Variants in TENM3 observed in about 807,000 individuals in gnomAD.
The protein encoded by TENM3 is teneurin transmembrane protein 3, also known as teneurin-3.
A neutral mutation model predicts 255.1 loss-of-function variants in TENM3; 63 were observed. The observed-to-expected ratio is 0.25, with a 90% CI of 0.20 to 0.30. The LOEUF is 0.30. Among genes scored for constraint, TENM3 ranks in the 10% least tolerant of loss-of-function variants. The pLI is 1.00. For missense variants in TENM3, 2,929 were observed against 3,461.1 expected (o/e 0.85, Z 3.86); for synonymous variants, 1,306 against 1,322.3 (o/e 0.99, Z 0.27).
At chr4:181,885,288 G>C in the TENM3 span, among the ~76,000 whole-genome samples, 1 of 152,134 alleles carries the variant, frequency 6.6e-6, no homozygotes, top group Admixed American at 6.5e-5. Flanking sequence ...TTTTGAGACG[G>C]AGTCTAGCTC....
chr4:182,250,272 T>G (rs1038053276), intron 1 of TENM3, among the ~76,000 whole-genome samples: 5 of 137,394 alleles, frequency 3.6e-5, no homozygotes, highest in Admixed American at 1.4e-4. Flanking sequence ...CAGGATGGTC[T>G]CGATCTCCTG....
the TENM3 span, among the ~76,000 whole-genome samples, chr4:181,732,163 G>A: frequency 3.6e-4 from 55 of 152,322 alleles, no homozygotes; most frequent in South Asian, 2.9e-3. Flanking sequence ...CCCAACAGCA[G>A]TCATGGGTGA....
At chr4:182,773,400 C>T (rs761914074) in intron 22 of TENM3, 72 bp from the exon 23 acceptor site, 1 of 1,363,554 alleles carries the variant, frequency 7.3e-7, no homozygotes, top group African/African-American at 1.5e-5. Flanking sequence ...AATATTGCTA[C>T]ACATTATATT....
the TENM3 span, among the ~76,000 whole-genome samples, chr4:181,784,175 C>T: frequency 5.4e-5 from 8 of 149,226 alleles, no homozygotes; most frequent in South Asian, 4.2e-4. Context: ...TTTTTTTAAC[C>T]GCTAAGTGAA....
chr4:182,135,204 CAAAAAAAAAAAAAA>C, the TENM3 span, among the ~76,000 whole-genome samples: 6 of 81,566 alleles, frequency 7.4e-5, no homozygotes, highest in African/African-American at 1.6e-4. Context: ...GACTCGGTCT[CAAAAAAAAAAAAAA>C]AAAAAAAAAA....
intron 3 of TENM3, among the ~76,000 whole-genome samples, chr4:182,523,143 T>A (rs1738759082): frequency 6.6e-6 from 1 of 152,124 alleles, no homozygotes; most frequent in African/African-American, 2.4e-5. Flanking sequence ...TTGAATAATT[T>A]GGCGGGTTTT....
the TENM3 span, among the ~76,000 whole-genome samples, chr4:181,898,489 C>A: frequency 6.6e-6 from 1 of 152,124 alleles, no homozygotes; most frequent in Non-Finnish European, 1.5e-5. Flanking sequence ...TGGTCTAAGA[C>A]CCATCAACTT....
intron 12 of TENM3, among the ~76,000 whole-genome samples, chr4:182,709,169 G>C (rs545060190): frequency 1.3e-5 from 2 of 152,134 alleles, no homozygotes; most frequent in East Asian, 1.9e-4. Context: ...TTTTGGTAGA[G>C]TCGGGGTTTC....
At chr4:182,167,758 C>T (rs1751817218) in intron 1 of TENM3, among the ~76,000 whole-genome samples, 1 of 151,960 alleles carries the variant, frequency 6.6e-6, no homozygotes, top group Non-Finnish European at 1.5e-5. Context: ...TGCCTGTAGT[C>T]CCAGCTACTT....
the TENM3 span, among the ~76,000 whole-genome samples, chr4:182,047,935 A>C: frequency 6.6e-6 from 1 of 152,112 alleles, no homozygotes; most frequent in Non-Finnish European, 1.5e-5. Flanking sequence ...ATACCAAATG[A>C]GCTCAGTGAT....
chr4:182,786,566 A>G, intron 24 of TENM3, among the ~76,000 whole-genome samples: 1 of 151,742 alleles, frequency 6.6e-6, no homozygotes, highest in African/African-American at 2.4e-5. Context: ...TAAAAAAAAA[A>G]AAAAAAAAGA....
the TENM3 span, among the ~76,000 whole-genome samples, chr4:181,458,211 T>C: frequency 1.3e-5 from 2 of 151,922 alleles, no homozygotes; most frequent in African/African-American, 2.4e-5. Context: ...GAATCTGAAA[T>C]GAGGGTTAAA....
intron 3 of TENM3, among the ~76,000 whole-genome samples, chr4:182,404,943 C>A (rs1769457406): frequency 6.6e-6 from 1 of 152,138 alleles, no homozygotes; most frequent in Non-Finnish European, 1.5e-5. Context: ...CTGACTCTCT[C>A]CCTTGGAAGG....
chr4:181,678,010 T>G, the TENM3 span, among the ~76,000 whole-genome samples: 1 of 152,182 alleles, frequency 6.6e-6, no homozygotes, highest in Non-Finnish European at 1.5e-5. Flanking sequence ...TGAGAGAATT[T>G]ATCTCAGTCA....
chr4:182,255,189 C>T (rs1013748758), intron 1 of TENM3, among the ~76,000 whole-genome samples: 3 of 152,110 alleles, frequency 2.0e-5, no homozygotes, highest in East Asian at 1.9e-4. Flanking sequence ...TGCCTTTCCC[C>T]TTGCACATGT....
At chr4:181,662,567 A>G in the TENM3 span, among the ~76,000 whole-genome samples, 120 of 152,322 alleles carry the variant, frequency 7.9e-4, 1 homozygote, top group African/African-American at 2.7e-3. Context: ...GGCCTGGGCA[A>G]AGACCCAAGA....
At chr4:182,585,990 A>G (rs1310354239) in intron 3 of TENM3, among the ~76,000 whole-genome samples, 1 of 152,254 alleles carries the variant, frequency 6.6e-6, no homozygotes, top group Non-Finnish European at 1.5e-5. Context: ...ACAGTGGCTC[A>G]CGCCTGTAAT....
chr4:182,217,964 G>A (rs1448429495), intron 1 of TENM3, among the ~76,000 whole-genome samples: 1 of 152,192 alleles, frequency 6.6e-6, no homozygotes, highest in Non-Finnish European at 1.5e-5. Flanking sequence ...CACAATTAAA[G>A]GACTTGGGTG....
intron 22 of TENM3, among the ~76,000 whole-genome samples, chr4:182,756,197 T>C (rs1762734982): frequency 6.6e-6 from 1 of 152,212 alleles, no homozygotes; most frequent in Admixed American, 6.5e-5. Context: ...GTTTTTGTAA[T>C]CGTTACCAGA....
Sources: allele counts gnomAD v4.1 joint callset (sites outside exome capture counted in the v4.1 genomes callset), GRCh38; gene constraint gnomAD v4.1.1; transcripts MANE v1.5; gene names NCBI Gene and HGNC (gene_info 2026-07-23, HGNC 2026-07-21).